The following RNF150 variants were observed in gnomAD, a reference collection of about 807,000 sequenced individuals.
The protein encoded by RNF150 is ring finger protein 150.
A neutral mutation model predicts 39.3 loss-of-function variants in RNF150; 24 were observed. That is an observed-to-expected ratio of 0.61 (90% confidence interval 0.44 to 0.86). The LOEUF is 0.86. Ranked by LOEUF, RNF150 falls within the 40% of genes least tolerant of loss-of-function variation. The pLI, the probability that RNF150 is intolerant of heterozygous loss-of-function variation, is 0.00. For synonymous variants in RNF150, 255 were observed against 227.3 expected (o/e 1.12, Z -1.10); for missense variants, 502 against 587.8 (o/e 0.85, Z 1.51).
rs577103723 is a variant in RNF150, at chr4:141,016,707, T to C, written c.485-48834A>G. ...TTCATCCTGCTTAATATCTCTGTAG[T>C]TGGCTGACAATCTACTTCTGCCTGA... On this transcript the variant is annotated intron_variant, in intron 1 of 6. Coordinates refer to ENST00000515673, the MANE Select transcript of RNF150 (RefSeq NM_020724.2). Among the ~76,000 whole-genome samples the C allele has an allele frequency of 1.1e-4, 16 of 152,326 alleles. No homozygotes were observed. In the South Asian group the frequency reaches 2.5e-3, roughly 24 times the overall value.
chr4:141,006,613 C>A (rs912507749), intron 1 of RNF150, among the ~76,000 whole-genome samples: 7 of 152,192 alleles, frequency 4.6e-5, no homozygotes, highest in African/African-American at 1.2e-4. Flanking sequence ...AGTTGTGGCA[C>A]TGCCAAAATC....
chr4:140,983,739 C>CTTT (rs35565844), intron 1 of RNF150, among the ~76,000 whole-genome samples: 3 of 129,670 alleles, frequency 2.3e-5, no homozygotes, highest in South Asian at 2.5e-4. Context: ...GTATAACTGC[C>CTTT]TTTTTTTTTT....
intron 1 of RNF150, among the ~76,000 whole-genome samples, chr4:141,118,354 G>C (rs1051980393): frequency 1.1e-4 from 17 of 152,156 alleles, no homozygotes; most frequent in Admixed American, 7.2e-4. Flanking sequence ...GTTTTTCTGA[G>C]GCTGGAGCAC....
chr4:141,121,124 C>CA (rs1174757431), intron 1 of RNF150, among the ~76,000 whole-genome samples: 1 of 152,110 alleles, frequency 6.6e-6, no homozygotes, highest in East Asian at 1.9e-4. Context: ...TAAGAGGTCA[C>CA]ACACAACATC....
intron 1 of RNF150, among the ~76,000 whole-genome samples, chr4:141,175,965 A>G (rs1727803133): frequency 6.6e-6 from 1 of 152,032 alleles, no homozygotes. Flanking sequence ...GCTCATTGCA[A>G]CCTCAACCTC....
chr4:141,210,193 C>A (rs1728439891), intron 1 of RNF150, among the ~76,000 whole-genome samples: 1 of 152,134 alleles, frequency 6.6e-6, no homozygotes, highest in African/African-American at 2.4e-5. Context: ...TGTGATCTCT[C>A]ATGCTTGGCT....
At position 140,862,592 on chromosome 4, in the gene RNF150, A is replaced by G. The variant is rs1223447089; in HGVS notation, c.*5669T>C. 1 of 152,172 alleles carries G rather than the reference A, an allele frequency of 6.6e-6. No homozygotes were observed. The highest frequency in any genetic ancestry group is 1.5e-5 in the Non-Finnish European group (1 of 68,030). 9.4% of individuals were successfully genotyped at this position (152,172 alleles called of 1,614,324 possible). A position where few individuals can be genotyped will look rare whatever the true frequency, so the allele number is the denominator to read the frequency against. On this transcript the variant is annotated 3_prime_UTR_variant, in exon 7 of 7. Transcript: ENST00000515673. ...GCTATTGATCTGTGGGTCTTTAAAA[A>G]TTAATGTTCCTATTACACAGGGTCT...
chr4:141,025,279 T>C (rs1311491063), intron 1 of RNF150, among the ~76,000 whole-genome samples: 1 of 152,078 alleles, frequency 6.6e-6, no homozygotes, highest in Admixed American at 6.6e-5. Flanking sequence ...AAATGATGAA[T>C]ATAGTCATTC....
intron 6 of RNF150, among the ~76,000 whole-genome samples, chr4:140,892,087 A>G (rs1170022415): frequency 6.6e-6 from 1 of 152,180 alleles, no homozygotes. Context: ...ACCTAATATA[A>G]TGTAAATGCT....
At chr4:140,922,671 A>C (rs183719724) in intron 5 of RNF150, among the ~76,000 whole-genome samples, 3,608 of 152,194 alleles carry the variant, frequency 0.024, 60 homozygotes, top group Non-Finnish European at 0.039. Context: ...AGTCAATCCT[A>C]AGGCAAAAGA....
At chr4:141,108,005 G>A (rs1436195567) in intron 1 of RNF150, among the ~76,000 whole-genome samples, 1 of 152,132 alleles carries the variant, frequency 6.6e-6, no homozygotes, top group African/African-American at 2.4e-5. Flanking sequence ...GGTTCACATT[G>A]TATTAACTTC....
intron 6 of RNF150, among the ~76,000 whole-genome samples, chr4:140,889,022 TCTAA>T (rs1729671417): frequency 6.6e-6 from 1 of 152,082 alleles, no homozygotes; most frequent in Non-Finnish European, 1.5e-5. Flanking sequence ...GATTGGGTCT[TCTAA>T]CTCTTTAAAC....
chr4:140,871,000 C>CTATA (rs1347147417), intron 6 of RNF150, among the ~76,000 whole-genome samples: 15 of 144,514 alleles, frequency 1.0e-4, no homozygotes, highest in African/African-American at 3.5e-4. Context: ...CTCTCTCTCT[C>CTATA]TCTATATATA....
At chr4:141,138,034 G>A (rs1727053417), upstream of RNF150, among the ~76,000 whole-genome samples, 1 of 152,178 alleles carries the variant, frequency 6.6e-6, no homozygotes, top group Non-Finnish European at 1.5e-5. Context: ...GAATGGCAGT[G>A]CCCATTTCTC....
In RNF150 at chr4:141,178,559, T is replaced by TGTG. The variant is rs1292223195; in HGVS notation, c.-6+34234_-6+34235insCAC. Among the ~76,000 whole-genome samples, 3 of 152,146 alleles carry TGTG rather than the reference T, an allele frequency of 2.0e-5. No individual in the cohort carries two copies. The East Asian group carries it at 5.8e-4, about 29-fold the overall frequency. On this transcript the variant is annotated intron_variant, in intron 1 of 7. Transcript: ENST00000420921. Reference sequence around the variant, plus strand: ...AAAAGAGTGGGTTCCACTTCTCAATTGCTAAAAATTATCAGCTAAGATTCC... The same window carrying TGTG: ...AAAAGAGTGGGTTCCACTTCTCAATTGTGGCTAAAAATTATCAGCTAAGATTCC...
At chr4:141,016,523 G>A (rs771436583) in intron 1 of RNF150, among the ~76,000 whole-genome samples, 6 of 152,234 alleles carry the variant, frequency 3.9e-5, no homozygotes, top group African/African-American at 7.2e-5. Flanking sequence ...CCCGCTCTGC[G>A]GGAGCAGTCA....
chr4:140,870,742 G>A (rs936565126), intron 6 of RNF150, among the ~76,000 whole-genome samples: 1 of 152,040 alleles, frequency 6.6e-6, no homozygotes, highest in Non-Finnish European at 1.5e-5. Flanking sequence ...AGATGCAGGG[G>A]CTTGCTGTGT....
At chr4:141,202,718 C>G (rs1034617647) in intron 1 of RNF150, among the ~76,000 whole-genome samples, 1 of 151,654 alleles carries the variant, frequency 6.6e-6, no homozygotes, top group South Asian at 2.1e-4. Flanking sequence ...ATTTTATTGT[C>G]TGTGGTCAAA....
At chr4:140,944,752 C>G (rs1732219286) in intron 4 of RNF150, 1 of 152,104 alleles carries the variant, frequency 6.6e-6, no homozygotes, top group African/African-American at 2.4e-5. Flanking sequence ...TAAACTGGAA[C>G]ATTTTTTGAA....
Sources: allele counts gnomAD v4.1 joint callset (sites outside exome capture counted in the v4.1 genomes callset), GRCh38; gene constraint gnomAD v4.1.1; transcripts MANE v1.5; gene names NCBI Gene and HGNC (gene_info 2026-07-23, HGNC 2026-07-21).